The following ZNF438 variants were observed in gnomAD, a reference collection of about 807,000 sequenced individuals.
The protein encoded by ZNF438 is zinc finger protein 438.
Under a neutral mutation model 38.0 loss-of-function variants are expected in ZNF438, and 25 were observed. The observed-to-expected ratio is 0.66, with a 90% CI of 0.48 to 0.92. The LOEUF is 0.92. Among genes scored for constraint, ZNF438 ranks in the 40% least tolerant of loss-of-function variants. ZNF438 has a pLI of 0.00. For synonymous variants in ZNF438, 372 were observed against 364.1 expected (o/e 1.02, Z -0.25); for missense variants, 1,007 against 999.6 (o/e 1.01, Z -0.10).
At chr10:30,949,191 A>G (rs1488612732) in intron 1 of ZNF438, among the ~76,000 whole-genome samples, 1 of 151,762 alleles carries the variant, frequency 6.6e-6, no homozygotes, top group East Asian at 1.9e-4. Flanking sequence ...TTTACAGACA[A>G]ACAAATGCTG....
chr10:30,983,558 T>C (rs922816692), intron 1 of ZNF438, among the ~76,000 whole-genome samples: 42 of 152,200 alleles, frequency 2.8e-4, no homozygotes, highest in Admixed American at 1.8e-3. Flanking sequence ...TCCTCCAACA[T>C]TGGAAATTAC....
intron 3 of ZNF438, among the ~76,000 whole-genome samples, chr10:30,877,277 A>G (rs10763849): frequency 0.59 from 89,272 of 152,044 alleles, 26,466 homozygotes; most frequent in African/African-American, 0.63. Flanking sequence ...GAATGGGCTT[A>G]GAGACAGATG....
chr10:30,903,966 T>G (rs2042318928), intron 3 of ZNF438, among the ~76,000 whole-genome samples: 1 of 148,036 alleles, frequency 6.8e-6, no homozygotes, highest in South Asian at 2.1e-4. Context: ...ACTGCAGCCC[T>G]CAGAACTTTA....
chr10:30,947,673 C>T (rs983507380), intron 1 of ZNF438, among the ~76,000 whole-genome samples: 4 of 152,322 alleles, frequency 2.6e-5, no homozygotes, highest in South Asian at 4.1e-4. Context: ...TAGCAATCAG[C>T]GAGACTCCGT....
chr10:30,873,588 T>C (rs935479707), intron 4 of ZNF438, among the ~76,000 whole-genome samples: 2 of 152,230 alleles, frequency 1.3e-5, no homozygotes, highest in African/African-American at 4.8e-5. Flanking sequence ...CCAACTGTCC[T>C]TTCATTCTGA....
chr10:30,916,343 T>C (rs993003093), intron 2 of ZNF438, among the ~76,000 whole-genome samples: 1 of 152,074 alleles, frequency 6.6e-6, no homozygotes, highest in Non-Finnish European at 1.5e-5. Flanking sequence ...AGAAATTAAA[T>C]GCTGAATACA....
At chr10:30,982,412 T>A (rs1564790881) in intron 1 of ZNF438, among the ~76,000 whole-genome samples, 1 of 152,156 alleles carries the variant, frequency 6.6e-6, no homozygotes, top group Non-Finnish European at 1.5e-5. Flanking sequence ...TCCTGTCTTT[T>A]TCTCAACTTC....
chr10:30,847,844 C>A (rs1468953836), intron 5 of ZNF438, among the ~76,000 whole-genome samples: 1 of 152,252 alleles, frequency 6.6e-6, no homozygotes, highest in African/African-American at 2.4e-5. Context: ...CCAGACCCCA[C>A]GCTCACTCAC....
chr10:30,916,247 A>G (rs986064740), intron 2 of ZNF438, among the ~76,000 whole-genome samples: 6 of 152,118 alleles, frequency 3.9e-5, no homozygotes, highest in African/African-American at 1.4e-4. Context: ...TAGTGACAGC[A>G]GAAAGCCTAC....
chr10:30,949,464 C>T (rs2047887337), intron 1 of ZNF438, among the ~76,000 whole-genome samples: 1 of 151,952 alleles, frequency 6.6e-6, no homozygotes, highest in African/African-American at 2.4e-5. Context: ...GCAAATTGGA[C>T]AAAGGGTCAA....
intron 1 of ZNF438, among the ~76,000 whole-genome samples, chr10:30,970,239 C>A (rs967321813): frequency 2.0e-5 from 3 of 151,740 alleles, no homozygotes; most frequent in Admixed American, 2.0e-4. Context: ...TAACAGAACC[C>A]TAATATAGTA....
At chr10:30,922,246 T>A (rs2044382718) in intron 2 of ZNF438, among the ~76,000 whole-genome samples, 1 of 152,202 alleles carries the variant, frequency 6.6e-6, no homozygotes, top group Admixed American at 6.5e-5. Context: ...CAGTACCTTA[T>A]TGTATCCAGG....
intron 4 of ZNF438, among the ~76,000 whole-genome samples, chr10:30,864,601 G>C (rs952320453): frequency 6.6e-6 from 1 of 152,224 alleles, no homozygotes; most frequent in Non-Finnish European, 1.5e-5. Context: ...TCAGCAGCTA[G>C]CAGTTGTACA....
chr10:30,888,362 A>ACACACACACACACACACACACACACAC (rs1564574714), intron 3 of ZNF438, among the ~76,000 whole-genome samples: 9 of 36,518 alleles, frequency 2.5e-4, no homozygotes, highest in African/African-American at 5.9e-4. Flanking sequence ...CACACACACA[A>ACACACACACACACACACACACACACAC]ACACACACAT....
chr10:30,870,306 A>G (rs1176342155), intron 4 of ZNF438, among the ~76,000 whole-genome samples: 1 of 152,200 alleles, frequency 6.6e-6, no homozygotes, highest in Middle Eastern at 3.2e-3. Context: ...GAGAAAAAAA[A>G]AGTTTGAGCC....
intron 2 of ZNF438, among the ~76,000 whole-genome samples, chr10:30,941,239 T>G (rs1279481245): frequency 6.6e-6 from 1 of 151,994 alleles, no homozygotes; most frequent in Non-Finnish European, 1.5e-5. Context: ...GCCCAACTAA[T>G]TTTTGTAGTT....
intron 1 of ZNF438, among the ~76,000 whole-genome samples, chr10:30,965,482 A>G (rs550691181): frequency 6.6e-6 from 1 of 152,366 alleles, no homozygotes; most frequent in African/African-American, 2.4e-5. Context: ...TCCTATGTTC[A>G]TGACAGCACT....
chr10:30,890,200 C>T lies in ZNF438; in HGVS notation c.-31-13135G>A, dbSNP rs867136490. ...CATTGACTGTTATAAAATGCATGCACATACAGGCACCTGTGTTCCTTAACA... is the reference window on the plus strand; with the variant it reads ...CATTGACTGTTATAAAATGCATGCATATACAGGCACCTGTGTTCCTTAACA... On this transcript the variant is annotated intron_variant, in intron 3 of 5. Coordinates refer to ENST00000413025, the Ensembl canonical transcript of ZNF438. Among the ~76,000 whole-genome samples the T allele has an allele frequency of 3.3e-5, 5 of 151,862 alleles. No homozygotes were observed. The South Asian group carries it at 6.2e-4, about 19-fold the overall frequency.
At chr10:30,929,383 G>A (rs771232069) in intron 2 of ZNF438, among the ~76,000 whole-genome samples, 11 of 152,132 alleles carry the variant, frequency 7.2e-5, no homozygotes, top group South Asian at 2.1e-4. Context: ...GCAGACCTTC[G>A]CAGTGAGTGT....
Sources: gnomAD v4.1 joint callset for allele counts (sites outside exome capture counted in the v4.1 genomes callset) on GRCh38, gnomAD v4.1.1 for gene constraint, MANE v1.5 for transcripts, NCBI Gene and HGNC (gene_info 2026-07-23, HGNC 2026-07-21) for gene names.